Variants in CSMD1 observed in about 807,000 individuals in gnomAD.
CSMD1 encodes the protein CUB and sushi domain-containing protein 1.
Under a neutral mutation model 417.5 loss-of-function variants are expected in CSMD1, and 213 were observed. The ratio of observed to expected loss-of-function variants is 0.51; its 90% CI spans 0.46 to 0.57. The LOEUF is 0.57. Among genes scored for constraint, CSMD1 ranks in the 20% least tolerant of loss-of-function variants. The pLI, the probability that CSMD1 is intolerant of heterozygous loss-of-function variation, is 0.00. For missense variants in CSMD1, 6,923 were observed against 4,529.7 expected, an observed-to-expected ratio of 1.53 and a Z score of -15.17; for synonymous variants, 2,862 against 1,736.8, an observed-to-expected ratio of 1.65 and a Z score of -16.11.
intron 3 of CSMD1, among the ~76,000 whole-genome samples, chr8:4,032,568 C>G (rs866485782): frequency 6.6e-6 from 1 of 152,162 alleles, no homozygotes; most frequent in East Asian, 1.9e-4. Context: ...TGTTACACAT[C>G]ATTACCCAAC....
chr8:4,607,346 G>T (rs889350342), intron 2 of CSMD1, among the ~76,000 whole-genome samples: 2 of 152,088 alleles, frequency 1.3e-5, no homozygotes, highest in Non-Finnish European at 1.5e-5. Context: ...TGCGGGGGAC[G>T]GGCTATTGAT....
intron 12 of CSMD1, among the ~76,000 whole-genome samples, chr8:3,432,691 T>C (rs1007388380): frequency 3.3e-5 from 5 of 152,070 alleles, no homozygotes; most frequent in Admixed American, 1.3e-4. Flanking sequence ...AATTTTTGTA[T>C]TTTTAGTACA....
At chr8:4,154,578 G>T (rs952647446) in intron 3 of CSMD1, among the ~76,000 whole-genome samples, 1 of 152,150 alleles carries the variant, frequency 6.6e-6, no homozygotes, top group Admixed American at 6.5e-5. Context: ...TGGGCCAAGA[G>T]GTGAGGTCTT....
chr8:3,537,333 C>G (rs992648894), intron 10 of CSMD1, among the ~76,000 whole-genome samples: 3 of 152,218 alleles, frequency 2.0e-5, no homozygotes, highest in Non-Finnish European at 4.4e-5. Context: ...ACTCATATTC[C>G]TATCACCTGT....
chr8:3,617,522 T>A (rs957034905), intron 7 of CSMD1, among the ~76,000 whole-genome samples: 2 of 152,164 alleles, frequency 1.3e-5, no homozygotes, highest in Middle Eastern at 3.2e-3. Flanking sequence ...CCCAATTCAG[T>A]ATAATGAGAT....
intron 1 of CSMD1, among the ~76,000 whole-genome samples, chr8:4,859,601 A>T (rs1189669937): frequency 2.0e-5 from 3 of 152,172 alleles, no homozygotes; most frequent in Non-Finnish European, 4.4e-5. Context: ...TGGGCGAAGG[A>T]CATGAACAGA....
At chr8:4,056,342 C>G (rs1488801046) in intron 3 of CSMD1, among the ~76,000 whole-genome samples, 1 of 151,574 alleles carries the variant, frequency 6.6e-6, no homozygotes, top group African/African-American at 2.4e-5. Context: ...GTCAGCCTCC[C>G]AAAGTGCTGG....
intron 23 of CSMD1, among the ~76,000 whole-genome samples, chr8:3,329,364 T>C (rs1253714563): frequency 6.6e-6 from 1 of 151,998 alleles, no homozygotes; most frequent in African/African-American, 2.4e-5. Context: ...AGCCCAGTTC[T>C]GCAGGAGAAA....
intron 5 of CSMD1, among the ~76,000 whole-genome samples, chr8:3,828,422 C>G (rs1052715740): frequency 3.4e-5 from 5 of 146,250 alleles, no homozygotes; most frequent in African/African-American, 1.4e-4. Flanking sequence ...GCAACAGCCT[C>G]TGACTTGGAA....
chr8:3,386,770 TG>T (rs1811027284), intron 18 of CSMD1, among the ~76,000 whole-genome samples: 1 of 152,212 alleles, frequency 6.6e-6, no homozygotes, highest in African/African-American at 2.4e-5. Flanking sequence ...TTTCTTGGAA[TG>T]TTATTTTCCA....
chr8:3,161,907 T>C (rs1225470198), intron 38 of CSMD1, among the ~76,000 whole-genome samples: 1 of 152,210 alleles, frequency 6.6e-6, no homozygotes, highest in Non-Finnish European at 1.5e-5. Flanking sequence ...TGCATAGTTA[T>C]TGGGAACGCA....
chr8:3,428,287 G>A (rs1403560297), intron 12 of CSMD1, among the ~76,000 whole-genome samples: 1 of 152,190 alleles, frequency 6.6e-6, no homozygotes, highest in South Asian at 2.1e-4. Flanking sequence ...AAACGGCTCT[G>A]CAGCCAGAAC....
intron 49 of CSMD1, among the ~76,000 whole-genome samples, chr8:3,082,516 T>C (rs1355959946): frequency 1.3e-5 from 2 of 152,196 alleles, no homozygotes; most frequent in African/African-American, 4.8e-5. Flanking sequence ...TTATCAGTTT[T>C]TAAGACTCTC....
At chr8:2,989,528 A>G (rs973259515) in intron 54 of CSMD1, among the ~76,000 whole-genome samples, 4 of 152,144 alleles carry the variant, frequency 2.6e-5, no homozygotes, top group African/African-American at 7.2e-5. Flanking sequence ...GTTTGTTTCT[A>G]TTTTTCTAGG....
chr8:2,984,631 G>A (rs1336570369), intron 54 of CSMD1, among the ~76,000 whole-genome samples: 1 of 152,222 alleles, frequency 6.6e-6, no homozygotes, highest in Non-Finnish European at 1.5e-5. Context: ...ACAGGCATGA[G>A]CCACCGCGCC....
intron 16 of CSMD1, among the ~76,000 whole-genome samples, chr8:3,396,616 C>T (rs1401690995): frequency 6.6e-6 from 1 of 152,118 alleles, no homozygotes; most frequent in African/African-American, 2.4e-5. Flanking sequence ...TACAATATTA[C>T]AGACACAAGA....
At chr8:4,752,120 T>G (rs1043072917) in intron 1 of CSMD1, among the ~76,000 whole-genome samples, 4 of 152,192 alleles carry the variant, frequency 2.6e-5, no homozygotes, top group Admixed American at 6.5e-5. Context: ...ATATATCACA[T>G]GTATATATCA....
intron 3 of CSMD1, among the ~76,000 whole-genome samples, chr8:4,217,113 G>A (rs1800729538): frequency 6.6e-6 from 1 of 152,190 alleles, no homozygotes; most frequent in Non-Finnish European, 1.5e-5. Context: ...TTTAGTTGGT[G>A]TAGTGCTAGT....
chr8:3,110,249 T>C lies in CSMD1; in HGVS notation c.6517A>G (p.Ile2173Val), dbSNP rs753819540. ...PDEYPILKDC[I>V]WLITVPPGHG... ...CCTGGAGGCACCGTGATGAGCCAAA[T>C]GCAGTCCTTCAGGATCGGATACTCA... The change falls in exon 43 of 70, where the codon ATT (isoleucine) becomes GTT (valine). Residue 2173 changes from isoleucine to valine, a missense_variant. Coordinates refer to ENST00000635120, the MANE Select transcript of CSMD1 (RefSeq NM_033225.6). 1.2e-6 allele frequency: 2 copies of C among 1,613,512 alleles called. No individual in the cohort carries two copies. Among genetic ancestry groups the C allele is most frequent in the South Asian group, 2.2e-5 (2 of 90,854 alleles).
Sources: allele counts gnomAD v4.1 joint callset (sites outside exome capture counted in the v4.1 genomes callset), GRCh38; gene constraint gnomAD v4.1.1; transcripts MANE v1.5; gene names NCBI Gene and HGNC (gene_info 2026-07-23, HGNC 2026-07-21).